Variants in THSD7B observed in about 807,000 individuals in gnomAD.
THSD7B encodes the protein thrombospondin type 1 domain containing 7B, also known as thrombospondin type-1 domain-containing protein 7B.
In THSD7B, 138 loss-of-function variants were observed where a neutral mutation model predicts 213.6. The observed-to-expected ratio is 0.65, with a 90% confidence interval of 0.56 to 0.74. The LOEUF is 0.74. Ranked by LOEUF, THSD7B falls within the 30% of genes least tolerant of loss-of-function variation. The pLI, the probability that THSD7B is intolerant of heterozygous loss-of-function variation, is 0.00. For synonymous variants in THSD7B, 742 were observed against 687.0 expected (o/e 1.08, Z -1.25); for missense variants, 1,931 against 1,991.5 (o/e 0.97, Z 0.58).
At chr2:137,204,381 G>A (rs1275557004) in intron 7 of THSD7B, among the ~76,000 whole-genome samples, 2 of 152,078 alleles carry the variant, frequency 1.3e-5, no homozygotes, top group African/African-American at 4.8e-5. Flanking sequence ...ATTTCTCCAG[G>A]TGGTATTGTC....
intron 7 of THSD7B, among the ~76,000 whole-genome samples, chr2:137,172,484 GT>G (rs527488534): frequency 1.2e-3 from 180 of 152,306 alleles, no homozygotes; most frequent in Admixed American, 3.2e-3. Context: ...AAATGTGGCA[GT>G]GCTGAGAGGG....
chr2:137,156,540 T>C (rs1679912370), intron 5 of THSD7B, among the ~76,000 whole-genome samples: 1 of 152,102 alleles, frequency 6.6e-6, no homozygotes, highest in Non-Finnish European at 1.5e-5. Flanking sequence ...TACCATTAGT[T>C]CTAATGTTCA....
At chr2:137,083,204 TAAACAC>T in intron 3 of THSD7B, among the ~76,000 whole-genome samples, 1 of 152,100 alleles carries the variant, frequency 6.6e-6, no homozygotes. Flanking sequence ...CCATTAGTTG[TAAACAC>T]TAAACTTAGG....
chr2:136,963,283 G>A (rs961549591), intron 2 of THSD7B, among the ~76,000 whole-genome samples: 3 of 152,074 alleles, frequency 2.0e-5, no homozygotes, highest in Admixed American at 2.0e-4. Context: ...TAAATGATGG[G>A]TAATTGGCCT....
intron 11 of THSD7B, 95 bp downstream of exon 11, chr2:137,272,757 T>C: frequency 1.5e-6 from 2 of 1,302,908 alleles, no homozygotes; most frequent in South Asian, 2.7e-5. Flanking sequence ...GAAAAATAAG[T>C]AAGAGGGGAT....
intron 7 of THSD7B, among the ~76,000 whole-genome samples, chr2:137,220,074 C>A (rs1392909127): frequency 1.3e-5 from 2 of 152,162 alleles, no homozygotes; most frequent in East Asian, 3.8e-4. Flanking sequence ...AGTTTCAACT[C>A]TCTTTTTTTG....
At chr2:136,933,310 C>T (rs1684665870) in intron 2 of THSD7B, among the ~76,000 whole-genome samples, 1 of 152,090 alleles carries the variant, frequency 6.6e-6, no homozygotes, top group Non-Finnish European at 1.5e-5. Context: ...CGTGGTGGCT[C>T]ACACCTGTAA....
At chr2:137,528,191 A>T (rs1680314834) in intron 15 of THSD7B, among the ~76,000 whole-genome samples, 1 of 152,046 alleles carries the variant, frequency 6.6e-6, no homozygotes, top group Non-Finnish European at 1.5e-5. Context: ...GTTGTGCCCA[A>T]AATTGGGGTT....
intron 2 of THSD7B, among the ~76,000 whole-genome samples, chr2:136,899,103 T>C (rs756441849): frequency 1.3e-5 from 2 of 152,110 alleles, no homozygotes; most frequent in Non-Finnish European, 2.9e-5. Context: ...GTTAAATGAA[T>C]AGACTATTAA....
chr2:137,452,827 A>G (rs1442792964), intron 15 of THSD7B, among the ~76,000 whole-genome samples: 2 of 152,168 alleles, frequency 1.3e-5, no homozygotes, highest in Admixed American at 1.3e-4. Flanking sequence ...GCCTGTTGTG[A>G]CTTAAAGGAA....
intron 17 of THSD7B, among the ~76,000 whole-genome samples, chr2:137,581,821 G>T (rs1374075660): frequency 4.0e-5 from 6 of 150,788 alleles, no homozygotes; most frequent in Admixed American, 4.0e-4. Context: ...AAATCTGCTG[G>T]GCATGGTGGC....
intron 1 of THSD7B, among the ~76,000 whole-genome samples, chr2:136,785,738 G>T (rs953034188): frequency 1.3e-5 from 2 of 152,188 alleles, no homozygotes; most frequent in African/African-American, 4.8e-5. Context: ...TACAGCCCCA[G>T]TTCAGAAATT....
intron 15 of THSD7B, among the ~76,000 whole-genome samples, chr2:137,522,017 C>G (rs1427369535): frequency 6.6e-6 from 1 of 152,198 alleles, no homozygotes; most frequent in Non-Finnish European, 1.5e-5. Flanking sequence ...TGGTTCTGTG[C>G]TTTGTAAATG....
At chr2:136,774,192 A>T (rs560672174) in intron 1 of THSD7B, among the ~76,000 whole-genome samples, 2 of 152,220 alleles carry the variant, frequency 1.3e-5, no homozygotes, top group South Asian at 2.1e-4. Flanking sequence ...GGCATAGCCT[A>T]AAAGTAACCT....
intron 2 of THSD7B, among the ~76,000 whole-genome samples, chr2:137,030,021 T>C (rs1021454730): frequency 9.2e-5 from 14 of 152,336 alleles, no homozygotes; most frequent in Admixed American, 8.5e-4. Flanking sequence ...CGCTGTTATA[T>C]GAGAAGCAGC....
chr2:137,206,401 T>TA (rs1680984446), intron 7 of THSD7B, among the ~76,000 whole-genome samples: 1 of 152,072 alleles, frequency 6.6e-6, no homozygotes, highest in Non-Finnish European at 1.5e-5. Flanking sequence ...GTGTTTAAAG[T>TA]CCCAAATACA....
At chr2:136,916,842 C>T (rs199584533) in intron 2 of THSD7B, among the ~76,000 whole-genome samples, 1 of 152,136 alleles carries the variant, frequency 6.6e-6, no homozygotes, top group East Asian at 1.9e-4. Flanking sequence ...TGGAAAAGGA[C>T]CCAAATCCTG....
intron 4 of THSD7B, among the ~76,000 whole-genome samples, chr2:137,099,968 G>T (rs374889694): frequency 2.6e-5 from 4 of 151,984 alleles, no homozygotes; most frequent in Non-Finnish European, 1.5e-5. Flanking sequence ...AAGTCTGTTT[G>T]TGCAAATTTA....
At chr2:136,918,403 T>C (rs1050790574) in intron 2 of THSD7B, among the ~76,000 whole-genome samples, 2 of 152,244 alleles carry the variant, frequency 1.3e-5, no homozygotes, top group African/African-American at 4.8e-5. Flanking sequence ...CCATCTCCCC[T>C]TTCCACTTGT....
Sources: gnomAD v4.1 joint callset for allele counts (sites outside exome capture counted in the v4.1 genomes callset) on GRCh38, gnomAD v4.1.1 for gene constraint, MANE v1.5 for transcripts, NCBI Gene and HGNC (gene_info 2026-07-23, HGNC 2026-07-21) for gene names.